The following TOX variants were observed in gnomAD, a reference collection of about 807,000 sequenced individuals.
TOX encodes the protein thymocyte selection-associated high mobility group box protein TOX.
TOX carries 11 observed loss-of-function variants against 53.7 expected under a neutral mutation model. The observed-to-expected ratio is 0.20, with a 90% CI of 0.13 to 0.34. TOX has a LOEUF of 0.34. Ranked by LOEUF, TOX falls within the 10% of genes least tolerant of loss-of-function variation. The pLI, the probability that TOX is intolerant of heterozygous loss-of-function variation, is 1.00. For synonymous variants in TOX, 225 were observed against 245.3 expected (o/e 0.92, Z 0.77); for missense variants, 570 against 664.6 (o/e 0.86, Z 1.56).
chr8:58,838,959 C>A (rs373365716), intron 4 of TOX, among the ~76,000 whole-genome samples: 1 of 152,118 alleles, frequency 6.6e-6, no homozygotes, highest in African/African-American at 2.4e-5. Context: ...CTTGGCCTCC[C>A]AAAGTGCTGG....
chr8:59,060,834 T>C (rs1263067871), intron 1 of TOX, among the ~76,000 whole-genome samples: 2 of 152,214 alleles, frequency 1.3e-5, no homozygotes, highest in African/African-American at 4.8e-5. Context: ...AGAGACTGAC[T>C]ATACTTGCCA....
chr8:58,937,949 A>T (rs937404908), intron 3 of TOX, among the ~76,000 whole-genome samples: 1 of 152,154 alleles, frequency 6.6e-6, no homozygotes, highest in Non-Finnish European at 1.5e-5. Flanking sequence ...AGCTTTACAC[A>T]TTTAGCACGT....
intron 2 of TOX, among the ~76,000 whole-genome samples, chr8:58,941,766 C>G (rs1270614776): frequency 2.6e-5 from 4 of 152,060 alleles, no homozygotes; most frequent in Admixed American, 2.0e-4. Flanking sequence ...GTTTGAAACT[C>G]TCCTGGCGGG....
At chr8:59,054,291 T>G (rs764413052) in intron 1 of TOX, among the ~76,000 whole-genome samples, 1 of 152,236 alleles carries the variant, frequency 6.6e-6, no homozygotes, top group Non-Finnish European at 1.5e-5. Flanking sequence ...TAGGGATCAT[T>G]CTGATCTTTG....
intron 1 of TOX, among the ~76,000 whole-genome samples, chr8:59,015,147 G>C (rs1019989472): frequency 3.3e-5 from 5 of 152,170 alleles, no homozygotes; most frequent in South Asian, 2.1e-4. Context: ...AGCCCTGGAC[G>C]GGACAGCCAG....
intron 1 of TOX, among the ~76,000 whole-genome samples, chr8:58,989,272 C>T (rs897977589): frequency 6.6e-6 from 1 of 151,838 alleles, no homozygotes; most frequent in Non-Finnish European, 1.5e-5. Context: ...GCCGAGATCA[C>T]GCCACTGCAC....
chr8:58,852,494 G>T (rs1243488244), intron 3 of TOX, among the ~76,000 whole-genome samples: 1 of 152,158 alleles, frequency 6.6e-6, no homozygotes, highest in East Asian at 1.9e-4. Flanking sequence ...CTGAGTCACT[G>T]GTTTTTAGCC....
Position 59,015,460 on chromosome 8 carries a change from T to A in TOX, c.103-55452A>T, listed in dbSNP as rs758723271. Among the ~76,000 whole-genome samples, 3 of 152,246 alleles carry A rather than the reference T, an allele frequency of 2.0e-5. No homozygotes were observed. The South Asian group carries it at 6.2e-4, about 31-fold the overall frequency. ...CTCTGAATAGAAATCATTCTTTTGTTATGCCCTTTGTCAAGAATACATTAT... is the reference window on the plus strand; with the variant it reads ...CTCTGAATAGAAATCATTCTTTTGTAATGCCCTTTGTCAAGAATACATTAT... On this transcript the variant is annotated intron_variant, in intron 1 of 8. Transcript: ENST00000361421.
intron 1 of TOX, among the ~76,000 whole-genome samples, chr8:59,005,334 G>A (rs183507827): frequency 7.3e-4 from 111 of 152,206 alleles, no homozygotes; most frequent in African/African-American, 2.5e-3. Flanking sequence ...CACTGCGCCC[G>A]GCCCTGAAAA....
rs754399211 is a variant in TOX at position 58,815,386 on chromosome 8, C to G, written c.1344G>C (p.Gln448His). The G allele has an allele frequency of 6.2e-7, 1 of 1,612,550 alleles. No individual in the cohort carries two copies. The highest frequency in any genetic ancestry group is 1.1e-5 in the South Asian group (1 of 90,726). Residue 448 changes from glutamine to histidine, a missense_variant, in exon 7 of 9, where the codon CAG (glutamine) becomes CAC (histidine). Physicochemically the swap from Gln to His is conservative, Grantham distance 24 (BLOSUM62 0). Transcript: ENST00000361421. ...PLTMQQPLGN[Q>H]LPMQVQSALH... ...AGGCAGACTGGACCTGCATGGGGAG[C>G]TGGTTCCCAAGGGGCTGCTGCATGG...
At chr8:58,930,448 G>A (rs1812239087) in intron 3 of TOX, among the ~76,000 whole-genome samples, 1 of 152,200 alleles carries the variant, frequency 6.6e-6, no homozygotes, top group African/African-American at 2.4e-5. Context: ...GAGGCAGAGA[G>A]AGAACAAGAA....
chr8:59,002,316 G>C (rs1428305918), intron 1 of TOX, among the ~76,000 whole-genome samples: 11 of 150,600 alleles, frequency 7.3e-5, no homozygotes, highest in Admixed American at 6.6e-4. Context: ...CATAGGGCCG[G>C]GCACAGTGGC....
rs538620629 is a variant in TOX, at chr8:58,865,920, C to T, written c.412-14115G>A. Among the ~76,000 whole-genome samples, 122 of 139,852 alleles carry T rather than the reference C, an allele frequency of 8.7e-4. No individual in the cohort carries two copies. The South Asian group carries it at 0.017, about 19-fold the overall frequency. 91.7% of individuals were successfully genotyped at this position (139,852 alleles called of 152,430 possible). Reference sequence around the variant, plus strand: ...CACGATCTTGGCTCACTGCAACCTCCACCTCCCAGGTTCAAGTGATTCTCC... The same window carrying T: ...CACGATCTTGGCTCACTGCAACCTCTACCTCCCAGGTTCAAGTGATTCTCC... On this transcript the variant is annotated intron_variant, in intron 3 of 8. Coordinates refer to ENST00000361421, the MANE Select transcript of TOX (RefSeq NM_014729.3).
At chr8:59,077,497 C>T (rs190333815) in intron 1 of TOX, among the ~76,000 whole-genome samples, 5 of 152,208 alleles carry the variant, frequency 3.3e-5, no homozygotes, top group African/African-American at 9.6e-5. Flanking sequence ...ATGTGTGTCT[C>T]GTTGCTGTGA....
chr8:58,959,490 G>A (rs946147126), intron 2 of TOX, among the ~76,000 whole-genome samples: 11 of 152,142 alleles, frequency 7.2e-5, no homozygotes, highest in African/African-American at 1.7e-4. Flanking sequence ...CCAGGAGACC[G>A]TGAAAGCAGC....
Position 58,878,142 on chromosome 8 carries a change from A to G in TOX, c.412-26337T>C, listed in dbSNP as rs566930116. On this transcript the variant is annotated intron_variant, in intron 3 of 8. Coordinates refer to ENST00000361421, the MANE Select transcript of TOX (RefSeq NM_014729.3). ...GATGTTTATCCCATCTTGACTCACA[A>G]TTCTTTTCCCTTTTTTATAGGAGGG... Among the ~76,000 whole-genome samples, 12 of 152,032 alleles carry G rather than the reference A, an allele frequency of 7.9e-5. No individual in the cohort carries two copies. In the South Asian group the frequency reaches 2.1e-3, roughly 26 times the overall value.
At chr8:58,979,827 C>T (rs1813167573) in intron 1 of TOX, among the ~76,000 whole-genome samples, 1 of 152,164 alleles carries the variant, frequency 6.6e-6, no homozygotes, top group Non-Finnish European at 1.5e-5. Flanking sequence ...CTTTTTCTCT[C>T]TGTAAAATGG....
chr8:58,951,453 A>G (rs1812619228), intron 2 of TOX, among the ~76,000 whole-genome samples: 2 of 152,104 alleles, frequency 1.3e-5, no homozygotes, highest in Non-Finnish European at 2.9e-5. Context: ...CAAAGCAAGA[A>G]GTTTCATTGA....
chr8:59,064,917 A>T (rs1187413499), intron 1 of TOX, among the ~76,000 whole-genome samples: 1 of 152,192 alleles, frequency 6.6e-6, no homozygotes, highest in Non-Finnish European at 1.5e-5. Context: ...TTCCAAACAT[A>T]TGATTCCAGG....
Sources: allele counts gnomAD v4.1 joint callset (sites outside exome capture counted in the v4.1 genomes callset), GRCh38; gene constraint gnomAD v4.1.1; transcripts MANE v1.5; gene names NCBI Gene and HGNC (gene_info 2026-07-23, HGNC 2026-07-21).